The following KBTBD4 variants were observed in gnomAD, a reference collection of about 807,000 sequenced individuals.
KBTBD4 encodes kelch repeat and BTB domain containing 4, also known as kelch repeat and BTB domain-containing protein 4.
Under a neutral mutation model 43.9 loss-of-function variants are expected in KBTBD4, and 30 were observed. The observed-to-expected ratio is 0.68, with a 90% CI of 0.51 to 0.93. KBTBD4 has a LOEUF of 0.93. KBTBD4 is among the 40% of genes least tolerant of loss of function. The pLI is 0.00. For missense variants in KBTBD4, 575 were observed against 668.8 expected (o/e 0.86, Z 1.55); for synonymous variants, 258 against 256.9 (o/e 1.00, Z -0.04).
chr11:47,573,295 G>C lies in KBTBD4; in HGVS notation c.1240C>G (p.Arg414Gly). The change falls in exon 4 of 4, where the codon CGA becomes GGA. Residue 414 changes from arginine (R) to glycine (G), a missense_variant. Transcript: ENST00000430070. This position sits in a 1 kb window ranked among gnomAD's most constrained non-coding sequence, Gnocchi z 4.1. ...TCTGTGTCAAAGCACTGGATGAGTC[G>C]GGAAGGTTTGGTAAAGAAGTCCAGA... ...NDLDFFTKPS[R>G]LIQCFDTETD... is the part of the protein sequence containing the mutation. 6.2e-7 allele frequency: 1 copy of C among 1,614,128 alleles called. No homozygotes were observed. The highest frequency in any genetic ancestry group is 8.5e-7 in the Non-Finnish European group (1 of 1,180,024).
intron 1 of KBTBD4, chr11:47,578,607 G>A (rs1440730410): frequency 1.4e-5 from 10 of 719,586 alleles, no homozygotes; most frequent in Non-Finnish European, 2.5e-5. Flanking sequence ...CTATGGCTGC[G>A]TCCCAGAACT....
chr11:47,578,923 G>A lies in KBTBD4; in HGVS notation c.19+10C>T, dbSNP rs917307560. 6 of 1,551,604 alleles carry A rather than the reference G, an allele frequency of 3.9e-6. No individual in the cohort carries two copies. In the South Asian group the frequency reaches 4.8e-5, roughly 12 times the overall value. ...CACGATTTCCCTACCTGCCTGTCTC[G>A]CTTTCTCACCTGCGTTCCCTCCTTT... On this transcript the variant is annotated intron_variant, in intron 1 of 3. Transcript: ENST00000430070.
chr11:47,572,861 G>C lies in KBTBD4; in HGVS notation c.*69C>G. ...AAAAAAAACATAACTCTGAATTGGG[G>C]CCCAGGGGACTTTGAGTTTGTATGG... On this transcript the variant is annotated 3_prime_UTR_variant, in exon 4 of 4. Coordinates refer to ENST00000430070, the MANE Select transcript of KBTBD4 (RefSeq NM_018095.6). The C allele has an allele frequency of 2.6e-6, 4 of 1,515,374 alleles. No individual in the cohort carries two copies. Among genetic ancestry groups the C allele is most frequent in the Non-Finnish European group, 3.6e-6 (4 of 1,117,580 alleles). 93.9% of individuals were successfully genotyped at this position (1,515,374 alleles called of 1,614,324 possible). A position where few individuals can be genotyped will look rare whatever the true frequency, so the allele number is the denominator to read the frequency against.
chr11:47,578,572 C>T (rs1179350940), intron 1 of KBTBD4: 1 of 703,976 alleles, frequency 1.4e-6, no homozygotes, highest in South Asian at 1.5e-5. Flanking sequence ...TTCCCCCACA[C>T]TTCCCCGCTC....
In KBTBD4 at chr11:47,573,061, TGCTCCCG is replaced by T. The variant is rs1168701674; in HGVS notation, c.1467_1473del (p.Asn489LysfsTer26). 6.2e-7 allele frequency: 1 copy of T among 1,614,116 alleles called. No individual in the cohort carries two copies. The highest frequency in any genetic ancestry group is 8.5e-7 in the Non-Finnish European group (1 of 1,180,020). Reference sequence around the variant, plus strand: ...TTATATCGGTCCCGGAAGACATAGATGCTCCCGTTACAGCTGGCAATCTTCCAGAGGG... The same window carrying T: ...TTATATCGGTCCCGGAAGACATAGATTTACAGCTGGCAATCTTCCAGAGGG... On this transcript the variant is annotated frameshift_variant, in exon 4 of 4. Transcript: ENST00000430070. LOFTEE classifies it high-confidence loss of function. The surrounding 1 kb of genome is among the most constrained non-coding windows in gnomAD (Gnocchi z 4.1).
intron 3 of KBTBD4, among the ~76,000 whole-genome samples, chr11:47,574,068 T>C (rs2097254917): frequency 6.6e-6 from 1 of 152,242 alleles, no homozygotes; most frequent in South Asian, 2.1e-4. Context: ...TTGATGACAG[T>C]AGTTCTCAAG....
At chr11:47,576,211 G>A (rs977162856) in intron 2 of KBTBD4, among the ~76,000 whole-genome samples, 1 of 134,492 alleles carries the variant, frequency 7.4e-6, no homozygotes, top group African/African-American at 2.8e-5. Context: ...CTGTTGCCCA[G>A]GCTGGAGTGC....
intron 1 of KBTBD4, chr11:47,578,596 C>T: frequency 1.4e-6 from 1 of 712,784 alleles, no homozygotes; most frequent in Non-Finnish European, 2.5e-6. Context: ...CGAAAGACTC[C>T]CTATGGCTGC....
chr11:47,578,682 C>A, intron 1 of KBTBD4: 1 of 1,075,762 alleles, frequency 9.3e-7, no homozygotes, highest in Non-Finnish European at 1.3e-6. Context: ...GTCCCCGCTC[C>A]ACCTTGAGTC....
In KBTBD4 at chr11:47,573,089, G is replaced by A. The variant is rs1316263342; in HGVS notation, c.1446C>T (p.Leu482=). 3 of 1,614,204 alleles carry A rather than the reference G, an allele frequency of 1.9e-6. No individual in the cohort carries two copies. The highest frequency in any genetic ancestry group is 2.7e-5 in the African/African-American group (2 of 75,052). Residue 482 remains leucine (L), a synonymous_variant, in exon 4 of 4, where the codon CTC becomes CTT. Coordinates refer to ENST00000430070, the MANE Select transcript of KBTBD4 (RefSeq NM_018095.6). The surrounding 1 kb of genome is among the most constrained non-coding windows in gnomAD (Gnocchi z 4.1). Reference sequence around the variant, plus strand: ...TCCCGTTACAGCTGGCAATCTTCCAGAGGGATGGGGCAGAGCTCCAGGCCT... The same window carrying A: ...TCCCGTTACAGCTGGCAATCTTCCAAAGGGATGGGGCAGAGCTCCAGGCCT... ...LPEAWSSAPS[L]WKIASCNGSI... is the part of the protein sequence containing the mutation.
In KBTBD4 at chr11:47,578,005, C is replaced by G. The variant is rs746889316; in HGVS notation, c.43G>C (p.Ala15Pro). Reference sequence around the variant, plus strand: ...GGCTCCTCTGGTGATTCCATGCTAGCCAACTTCTCTCTCTGCCAGCTGTCT... The same window carrying G: ...GGCTCCTCTGGTGATTCCATGCTAGGCAACTTCTCTCTCTGCCAGCTGTCT... ...NADSWQREKLASMESPEEPGA... is the reference protein window; with the variant it reads ...NADSWQREKLPSMESPEEPGA... Residue 15 changes from alanine (A) to proline (P), a missense_variant, in exon 2 of 4, where the codon GCT becomes CCT. Transcript: ENST00000430070. 1 of 1,614,196 alleles carries G rather than the reference C, an allele frequency of 6.2e-7. No homozygotes were observed.
At position 47,575,172 on chromosome 11, in the gene KBTBD4, T is replaced by G. The variant is rs2097256741; in HGVS notation, c.744+421A>C. ...TTGCAGCGAGCTGAGATTGCACCAC[T>G]GCATTCCAGCCTGGGCAACAAAGTG... On this transcript the variant is annotated intron_variant, in intron 3 of 3. Transcript: ENST00000430070. Among the ~76,000 whole-genome samples, 3 of 144,596 alleles carry G rather than the reference T, an allele frequency of 2.1e-5. No homozygotes were observed. The South Asian group carries it at 6.4e-4, about 31-fold the overall frequency. The allele number at this position is 144,596 out of a possible 152,430, so 94.9% of individuals were successfully genotyped here.
chr11:47,573,846 C>T lies in KBTBD4; in HGVS notation c.745-56G>A. The T allele has an allele frequency of 6.8e-7, 1 of 1,460,674 alleles. No individual in the cohort carries two copies. Among genetic ancestry groups the T allele is most frequent in the African/African-American group, 1.4e-5 (1 of 71,858 alleles). The allele number at this position is 1,460,674 out of a possible 1,614,324, so 90.5% of individuals were successfully genotyped here. A position where few individuals can be genotyped will look rare whatever the true frequency, so the allele number is the denominator to read the frequency against. ...TGTTAAATTCTAGGCTAAGGCTCAG[C>T]TAAGACACATATCCTTAAGATCCTG... On this transcript the variant is annotated intron_variant, in intron 3 of 3. Transcript: ENST00000430070. This position sits in a 1 kb window ranked among gnomAD's most constrained non-coding sequence, Gnocchi z 4.1.
intron 1 of KBTBD4, chr11:47,578,591 G>A: frequency 1.4e-6 from 1 of 709,448 alleles, no homozygotes; most frequent in Non-Finnish European, 2.6e-6. Flanking sequence ...TCGCTCGAAA[G>A]ACTCCCTATG....
In KBTBD4 at chr11:47,573,450, T is replaced by C; in HGVS notation, c.1085A>G (p.Asn362Ser). 2 of 1,614,228 alleles carry C rather than the reference T, an allele frequency of 1.2e-6. No individual in the cohort carries two copies. Among genetic ancestry groups the C allele is most frequent in the Non-Finnish European group, 1.7e-6 (2 of 1,180,038 alleles). The part of the protein sequence containing the change: ...GGKTLQDTLS[N>S]AVIYYRVGDN... The stretch of plus-strand genomic sequence containing the variant: ...ACCTACGCGATAATAAATGACTGCG[T>C]TGGAGAGGGTATCTTGCAGTGTCTT... The change falls in exon 4 of 4, where the codon AAC (asparagine) becomes AGC (serine). Residue 362 changes from asparagine (N) to serine (S), a missense_variant. Physicochemically the swap from Asn to Ser is conservative, Grantham distance 46. Coordinates refer to ENST00000430070, the MANE Select transcript of KBTBD4 (RefSeq NM_018095.6). This position sits in a 1 kb window ranked among gnomAD's most constrained non-coding sequence, Gnocchi z 4.1.
chr11:47,574,248 G>A (rs544943558), intron 3 of KBTBD4, among the ~76,000 whole-genome samples: 1 of 152,270 alleles, frequency 6.6e-6, no homozygotes, highest in African/African-American at 2.4e-5. Context: ...TGTCATCTCA[G>A]CACTTTGGGA....
chr11:47,577,259 A>G (rs550872718), intron 2 of KBTBD4, 152 bp downstream of exon 2: 64 of 787,408 alleles, frequency 8.1e-5, no homozygotes, highest in Non-Finnish European at 1.2e-4. Context: ...TCTCACCTCA[A>G]TCTTTCTCAG....
intron 1 of KBTBD4, chr11:47,578,350 G>A: frequency 1.7e-6 from 1 of 571,440 alleles, no homozygotes; most frequent in Admixed American, 3.4e-5. Flanking sequence ...GCAAAGGGCT[G>A]GGAGAGGCCT....
At chr11:47,574,095 T>C (rs1007603668) in intron 3 of KBTBD4, among the ~76,000 whole-genome samples, 2 of 152,318 alleles carry the variant, frequency 1.3e-5, no homozygotes, top group Admixed American at 1.3e-4. Flanking sequence ...TGAAAGCTCA[T>C]AGATTGGTGG....
Sources: gnomAD v4.1 joint callset for allele counts (sites outside exome capture counted in the v4.1 genomes callset) on GRCh38, gnomAD v4.1.1 for gene constraint, Gnocchi (gnomAD v3.1) non-coding constraint, MANE v1.5 for transcripts, NCBI Gene and HGNC (gene_info 2026-07-23, HGNC 2026-07-21) for gene names.